TRAPPC9: variants seen among roughly 807,000 people sequenced by gnomAD.
The protein encoded by TRAPPC9 is trafficking protein particle complex subunit 9.
A neutral mutation model predicts 124.0 loss-of-function variants in TRAPPC9; 83 were observed. The observed-to-expected ratio is 0.67, with a 90% CI of 0.56 to 0.80. TRAPPC9 has a LOEUF of 0.80. Ranked by LOEUF, TRAPPC9 falls within the 30% of genes least tolerant of loss-of-function variation. The pLI, the probability that TRAPPC9 is intolerant of heterozygous loss-of-function variation, is 0.00. For synonymous variants in TRAPPC9, 638 were observed against 617.5 expected, an observed-to-expected ratio of 1.03 and a Z score of -0.49; for missense variants, 1,302 against 1,508.3, an observed-to-expected ratio of 0.86 and a Z score of 2.27.
chr8:139,868,697 G>A (rs1323832174), intron 21 of TRAPPC9, among the ~76,000 whole-genome samples: 1 of 152,150 alleles, frequency 6.6e-6, no homozygotes, highest in Non-Finnish European at 1.5e-5. Flanking sequence ...ACCTACTCTG[G>A]AGATTGTTGT....
intron 21 of TRAPPC9, among the ~76,000 whole-genome samples, chr8:139,734,645 C>A (rs755553288): frequency 1.3e-5 from 2 of 152,354 alleles, no homozygotes; most frequent in South Asian, 4.1e-4. Flanking sequence ...CCCATTCATT[C>A]ATTCCAAGAT....
chr8:139,996,185 A>AAAAAAAAAAAAAAAAAAAGAC (rs1837978963), intron 18 of TRAPPC9, among the ~76,000 whole-genome samples: 1 of 134,682 alleles, frequency 7.4e-6, no homozygotes. Context: ...AAAAAAAAGA[A>AAAAAAAAAAAAAAAAAAAGAC]AGGAAAGAAA....
intron 17 of TRAPPC9, among the ~76,000 whole-genome samples, chr8:140,043,041 G>A (rs1195036064): frequency 6.6e-6 from 1 of 152,146 alleles, no homozygotes; most frequent in Non-Finnish European, 1.5e-5. Context: ...GGGCCCACCG[G>A]TCCTGTCTCT....
intron 19 of TRAPPC9, among the ~76,000 whole-genome samples, chr8:139,929,959 C>T (rs1833038724): frequency 6.6e-6 from 1 of 152,234 alleles, no homozygotes; most frequent in Non-Finnish European, 1.5e-5. Flanking sequence ...GTGCAGTCCT[C>T]AGGAGCAGCA....
intron 19 of TRAPPC9, among the ~76,000 whole-genome samples, chr8:139,981,420 A>G (rs969306617): frequency 6.6e-6 from 1 of 152,230 alleles, no homozygotes; most frequent in Non-Finnish European, 1.5e-5. Context: ...AACGAGGTAC[A>G]AAGAAAATCC....
intron 8 of TRAPPC9, 137 bp downstream of exon 8, chr8:140,370,827 A>C (rs1405228169): frequency 8.6e-6 from 8 of 928,292 alleles, no homozygotes; most frequent in Non-Finnish European, 1.2e-5. Flanking sequence ...CAGGCACCCA[A>C]CTCCAGGGCA....
At chr8:139,936,915 G>T (rs1833567852) in intron 19 of TRAPPC9, among the ~76,000 whole-genome samples, 1 of 83,814 alleles carries the variant, frequency 1.2e-5, no homozygotes, top group Non-Finnish European at 2.4e-5. Context: ...CATGGAGAGA[G>T]TGGGCGAGTG....
intron 17 of TRAPPC9, among the ~76,000 whole-genome samples, chr8:140,048,302 C>T: frequency 6.6e-6 from 1 of 152,200 alleles, no homozygotes; most frequent in East Asian, 1.9e-4. Context: ...ACAATGATGA[C>T]AATGACTCCA....
chr8:140,042,837 T>C (rs1031169791), intron 17 of TRAPPC9, among the ~76,000 whole-genome samples: 3 of 152,206 alleles, frequency 2.0e-5, no homozygotes, highest in Non-Finnish European at 2.9e-5. Flanking sequence ...CCAGCAAACC[T>C]CCTTATTTAC....
In TRAPPC9 at chr8:140,252,485, G is replaced by T; in HGVS notation, c.2431+292C>A. The T allele has an allele frequency of 2.5e-6, 1 of 401,484 alleles. No individual in the cohort carries two copies. The highest frequency in any genetic ancestry group is 4.6e-6 in the Non-Finnish European group (1 of 217,068). The allele number at this position is 401,484 out of a possible 1,614,324, so 24.9% of individuals were successfully genotyped here. Reference sequence around the variant, plus strand: ...CTAAAGAATCACAGCAGTTATACTTGAAAAAACGCAGTAATTCCTACATTC... The same window carrying T: ...CTAAAGAATCACAGCAGTTATACTTTAAAAAACGCAGTAATTCCTACATTC... On this transcript the variant is annotated intron_variant, in intron 16 of 22. Coordinates refer to ENST00000438773, the MANE Select transcript of TRAPPC9 (RefSeq NM_001160372.4). The surrounding 1 kb of genome is among the most constrained non-coding windows in gnomAD (Gnocchi z 4.2).
At chr8:140,368,558 C>G (rs905048733) in intron 8 of TRAPPC9, among the ~76,000 whole-genome samples, 1 of 152,160 alleles carries the variant, frequency 6.6e-6, no homozygotes, top group Non-Finnish European at 1.5e-5. Flanking sequence ...ATCTGCTTCA[C>G]GCAGGGCCTT....
At chr8:139,804,397 A>T (rs1823845405) in intron 21 of TRAPPC9, among the ~76,000 whole-genome samples, 1 of 96,394 alleles carries the variant, frequency 1.0e-5, no homozygotes, top group Non-Finnish European at 2.0e-5. Context: ...CACCACCACC[A>T]CACACACAAC....
At chr8:139,759,210 AGTCT>A (rs1276270989) in intron 21 of TRAPPC9, among the ~76,000 whole-genome samples, 1 of 152,162 alleles carries the variant, frequency 6.6e-6, no homozygotes, top group African/African-American at 2.4e-5. Context: ...GCAGAGCTGG[AGTCT>A]GAACCTAGCA....
At chr8:140,113,913 C>T (rs573815715) in intron 17 of TRAPPC9, among the ~76,000 whole-genome samples, 5 of 152,142 alleles carry the variant, frequency 3.3e-5, no homozygotes, top group Non-Finnish European at 5.9e-5. Context: ...GAAGCTGCAC[C>T]CACGCTTCCC....
intron 21 of TRAPPC9, among the ~76,000 whole-genome samples, chr8:139,749,270 C>T (rs904371794): frequency 2.0e-5 from 3 of 152,138 alleles, no homozygotes; most frequent in Admixed American, 6.5e-5. Flanking sequence ...ATGGCCCACA[C>T]GGGAATCTGC....
intron 18 of TRAPPC9, among the ~76,000 whole-genome samples, chr8:140,013,216 G>C (rs1398768339): frequency 1.3e-5 from 2 of 152,148 alleles, no homozygotes; most frequent in Non-Finnish European, 2.9e-5. Flanking sequence ...CACAGTCGCA[G>C]CAGCTGGGTT....
intron 19 of TRAPPC9, among the ~76,000 whole-genome samples, chr8:139,971,496 A>T (rs1836063590): frequency 6.6e-6 from 1 of 152,094 alleles, no homozygotes; most frequent in Non-Finnish European, 1.5e-5. Context: ...ACCTGCACCC[A>T]GGCTGGCTGG....
At chr8:140,348,875 C>G (rs1370318501) in intron 9 of TRAPPC9, among the ~76,000 whole-genome samples, 6 of 152,094 alleles carry the variant, frequency 3.9e-5, no homozygotes, top group East Asian at 1.9e-4. Flanking sequence ...CAAGCCCTGA[C>G]GCAAGCGCCC....
intron 16 of TRAPPC9, among the ~76,000 whole-genome samples, chr8:140,242,190 G>A (rs2063875325): frequency 6.6e-6 from 1 of 152,026 alleles, no homozygotes; most frequent in Non-Finnish European, 1.5e-5. Flanking sequence ...ATTACATAGA[G>A]ACTTAGACAC....
Sources: allele counts gnomAD v4.1 joint callset (sites outside exome capture counted in the v4.1 genomes callset), GRCh38; gene constraint gnomAD v4.1.1; non-coding constraint Gnocchi (gnomAD v3.1); transcripts MANE v1.5; gene names NCBI Gene and HGNC (gene_info 2026-07-23, HGNC 2026-07-21).